SAMMSON: variants seen among roughly 807,000 people sequenced by gnomAD.
SAMMSON encodes survival associated mitochondrial melanoma specific oncogenic non-coding RNA.
At chr3:70,120,365 T>C (rs1190395107) in intron 4 of SAMMSON, 1 of 152,188 alleles carries the variant, frequency 6.6e-6, no homozygotes, top group Non-Finnish European at 1.5e-5. Flanking sequence ...GAACCCCAAA[T>C]TAGCGAGAGC....
At chr3:70,166,623 G>A (rs867583081) in intron 4 of SAMMSON, among the ~76,000 whole-genome samples, 1 of 151,904 alleles carries the variant, frequency 6.6e-6, no homozygotes, top group Non-Finnish European at 1.5e-5. Context: ...GAGGTAGAGG[G>A]TGATTTAAAG....
intron 9 of SAMMSON, among the ~76,000 whole-genome samples, chr3:70,386,470 A>G (rs1703123652): frequency 6.6e-6 from 1 of 152,146 alleles, no homozygotes; most frequent in African/African-American, 2.4e-5. Context: ...ACTTTAATGC[A>G]TAGAATATTT....
At chr3:70,267,578 A>AT (rs377637066) in intron 6 of SAMMSON, among the ~76,000 whole-genome samples, 4,364 of 132,728 alleles carry the variant, frequency 0.033, 251 homozygotes, top group East Asian at 0.2. Flanking sequence ...AATTTTTTGT[A>AT]TTTTTTTTTT....
At chr3:70,258,536 A>AT (rs1027573540) in intron 6 of SAMMSON, among the ~76,000 whole-genome samples, 3 of 152,136 alleles carry the variant, frequency 2.0e-5, no homozygotes, top group Non-Finnish European at 2.9e-5. Flanking sequence ...GTAGAGTCTC[A>AT]TTTTTTTAAG....
At chr3:70,034,867 C>T (rs1559777635) in intron 3 of SAMMSON, among the ~76,000 whole-genome samples, 1 of 151,974 alleles carries the variant, frequency 6.6e-6, no homozygotes. Flanking sequence ...AAACAAAACC[C>T]TTTTGTTCTA....
intron 6 of SAMMSON, among the ~76,000 whole-genome samples, chr3:70,271,625 A>C: frequency 6.6e-6 from 1 of 152,180 alleles, no homozygotes; most frequent in East Asian, 1.9e-4. Context: ...AAAACAATAG[A>C]CCCAGCTAAG....
intron 2 of SAMMSON, among the ~76,000 whole-genome samples, chr3:70,417,512 C>T (rs1421626204): frequency 2.6e-5 from 4 of 152,036 alleles, no homozygotes; most frequent in East Asian, 1.9e-4. Context: ...TGAATTGGCT[C>T]AATTAAAAAT....
intron 4 of SAMMSON, chr3:70,126,838 C>A (rs149580713): frequency 6.3e-6 from 1 of 159,484 alleles, no homozygotes; most frequent in African/African-American, 2.4e-5. Flanking sequence ...ACCTCAGCCT[C>A]CCAAGTAGCT....
chr3:70,313,266 C>A lies in SAMMSON; in HGVS notation n.739+22023C>A, dbSNP rs568003865. Among the ~76,000 whole-genome samples the A allele has an allele frequency of 3.3e-5, 5 of 152,194 alleles. No homozygotes were observed. In the South Asian group the frequency reaches 1.0e-3, roughly 32 times the overall value. On this transcript the variant is annotated intron_variant and non_coding_transcript_variant, in intron 7 of 9. Transcript: ENST00000642114. ...ATGGATTGCTTGAGGCAAGGAGTTC[C>A]AGACCAGCCTGGGCAACATAGTGAG... is the stretch of plus-strand genomic sequence containing the variant.
Position 70,432,477 on chromosome 3 carries a change from C to G in SAMMSON, n.234-30083C>G, listed in dbSNP as rs568984682. 5.9e-5 allele frequency among the ~76,000 whole-genome samples: 9 copies of G among 151,754 alleles called. No homozygotes were observed. The South Asian group carries it at 1.9e-3, about 32-fold the overall frequency. ...GTTTACTCATTTTCTTAAGCTATCTCTTAATTAATAAACTATATTTTCATA... is the reference window on the plus strand; with the variant it reads ...GTTTACTCATTTTCTTAAGCTATCTGTTAATTAATAAACTATATTTTCATA... On this transcript the variant is annotated intron_variant and non_coding_transcript_variant, in intron 2 of 3. Transcript: ENST00000641053.
intron 4 of SAMMSON, chr3:70,126,581 A>T: frequency 2.1e-6 from 1 of 482,008 alleles, no homozygotes; most frequent in Non-Finnish European, 3.8e-6. Context: ...CATCCCCTTG[A>T]TATTGCAAAT....
chr3:70,008,871 G>A (rs2066941529), intron 1 of SAMMSON, among the ~76,000 whole-genome samples: 1 of 152,140 alleles, frequency 6.6e-6, no homozygotes, highest in Non-Finnish European at 1.5e-5. Context: ...TTTGTGAAAG[G>A]CCTTTTCTTC....
At chr3:70,101,515 A>G (rs2067345957) in intron 4 of SAMMSON, among the ~76,000 whole-genome samples, 1 of 152,150 alleles carries the variant, frequency 6.6e-6, no homozygotes, top group African/African-American at 2.4e-5. Flanking sequence ...AAGTGCATTA[A>G]TTGTATAGAT....
rs570488759 is a variant in SAMMSON, at chr3:70,172,538, T to A, written n.508-76569T>A. ...CATATTATTTGAAGAGCTATTCTGC[T>A]TAGTAACAATAAATTGCTTGGAAGA... On this transcript the variant is annotated intron_variant and non_coding_transcript_variant, in intron 4 of 9. Transcript: ENST00000642114. 2.6e-5 allele frequency: 4 copies of A among 152,092 alleles called. No homozygotes were observed. In the South Asian group the frequency reaches 6.2e-4, roughly 24 times the overall value. 9.4% of individuals were successfully genotyped at this position (152,092 alleles called of 1,614,324 possible).
intron 4 of SAMMSON, among the ~76,000 whole-genome samples, chr3:70,084,244 C>T (rs890409219): frequency 3.3e-5 from 5 of 152,122 alleles, no homozygotes; most frequent in African/African-American, 9.7e-5. Context: ...TGCCTGGAGA[C>T]TGTTTATTAG....
At chr3:70,296,426 A>G (rs1702289328) in intron 7 of SAMMSON, among the ~76,000 whole-genome samples, 1 of 152,188 alleles carries the variant, frequency 6.6e-6, no homozygotes, top group African/African-American at 2.4e-5. Context: ...ACCAAAATTC[A>G]AGAAACACTG....
chr3:70,106,559 C>T (rs112480880), intron 4 of SAMMSON, among the ~76,000 whole-genome samples: 5 of 150,948 alleles, frequency 3.3e-5, no homozygotes, highest in African/African-American at 9.7e-5. Context: ...AGGCTGGTCT[C>T]GAACTCCTGG....
At chr3:70,236,749 C>T (rs914882740) in intron 4 of SAMMSON, among the ~76,000 whole-genome samples, 4 of 152,224 alleles carry the variant, frequency 2.6e-5, no homozygotes, top group African/African-American at 9.6e-5. Context: ...GTGCATGCCA[C>T]CATGGCTGGC....
At chr3:70,259,416 T>TA (rs202194435) in intron 6 of SAMMSON, among the ~76,000 whole-genome samples, 362 of 144,220 alleles carry the variant, frequency 2.5e-3, no homozygotes, top group African/African-American at 8.3e-3. Context: ...TATTGACTTT[T>TA]AAAAAAAAAA....
Sources: gnomAD v4.1 joint callset for allele counts (sites outside exome capture counted in the v4.1 genomes callset) on GRCh38, gnomAD v4.1.1 for gene constraint, MANE v1.5 for transcripts, NCBI Gene and HGNC (gene_info 2026-07-23, HGNC 2026-07-21) for gene names.